CACNB2: variants seen among roughly 807,000 people sequenced by gnomAD.
CACNB2 encodes the protein calcium voltage-gated channel auxiliary subunit beta 2.
CACNB2 carries 42 observed loss-of-function variants against 73.3 expected under a neutral mutation model. The ratio of observed to expected loss-of-function variants is 0.57; its 90% confidence interval spans 0.45 to 0.74. CACNB2 has a LOEUF of 0.74. Ranked by LOEUF, CACNB2 falls within the 30% of genes least tolerant of loss-of-function variation. The pLI, the probability that CACNB2 is intolerant of heterozygous loss-of-function variation, is 0.00. For missense variants in CACNB2, 940 were observed against 853.0 expected (o/e 1.10, Z -1.27); for synonymous variants, 348 against 310.3 (o/e 1.12, Z -1.28).
intron 3 of CACNB2, among the ~76,000 whole-genome samples, chr10:18,431,234 G>A (rs563958205): frequency 5.3e-5 from 8 of 152,212 alleles, no homozygotes; most frequent in African/African-American, 1.7e-4. Context: ...TCCTGCCATG[G>A]CCTCCCAAAG....
At chr10:18,326,824 T>C (rs956332754) in intron 2 of CACNB2, among the ~76,000 whole-genome samples, 4 of 152,294 alleles carry the variant, frequency 2.6e-5, no homozygotes, top group African/African-American at 9.6e-5. Context: ...CCTTCTGGGC[T>C]CAAGCAATCC....
intron 2 of CACNB2, among the ~76,000 whole-genome samples, chr10:18,320,459 T>C (rs2040360376): frequency 6.6e-6 from 1 of 152,182 alleles, no homozygotes; most frequent in African/African-American, 2.4e-5. Flanking sequence ...TTTGAAAAAC[T>C]AGTGCTTAAA....
chr10:18,247,993 T>G (rs1279655540), intron 2 of CACNB2, among the ~76,000 whole-genome samples: 1 of 152,188 alleles, frequency 6.6e-6, no homozygotes, highest in East Asian at 1.9e-4. Flanking sequence ...TCTTTGATAA[T>G]GGTGCTTAAT....
intron 2 of CACNB2, among the ~76,000 whole-genome samples, chr10:18,388,674 T>G (rs1026583701): frequency 2.0e-5 from 3 of 152,214 alleles, no homozygotes; most frequent in Admixed American, 6.5e-5. Context: ...GTACCTAACC[T>G]AGTACCAACA....
rs934022752 is a variant in CACNB2, at chr10:18,287,791, A to G, written c.214-114133A>G. Among the ~76,000 whole-genome samples the G allele has an allele frequency of 2.6e-5, 4 of 152,172 alleles. No homozygotes were observed. The East Asian group carries it at 7.7e-4, about 29-fold the overall frequency. On this transcript the variant is annotated intron_variant, in intron 2 of 13. Transcript: ENST00000324631. ...CTTGAGCCCAGGAATTTGAGGCTGC[A>G]CTGAGCTATGATCATGACACTGCAC... is the stretch of plus-strand genomic sequence containing the variant.
At chr10:18,342,073 A>G (rs191871490) in intron 2 of CACNB2, among the ~76,000 whole-genome samples, 56 of 152,312 alleles carry the variant, frequency 3.7e-4, no homozygotes, top group Middle Eastern at 3.4e-3. Context: ...CTCATGTCCA[A>G]TTTAGAAATT....
chr10:18,519,271 C>T (rs1214359691), intron 9 of CACNB2, among the ~76,000 whole-genome samples: 2 of 152,168 alleles, frequency 1.3e-5, no homozygotes, highest in Admixed American at 6.5e-5. Flanking sequence ...AGGCATCGCA[C>T]TAAATATCCC....
chr10:18,537,434 G>A (rs1233501949), intron 12 of CACNB2, among the ~76,000 whole-genome samples: 2 of 152,284 alleles, frequency 1.3e-5, no homozygotes, highest in East Asian at 3.9e-4. Flanking sequence ...TTTGGACAAT[G>A]TCAAAATTTC....
intron 1 of CACNB2, among the ~76,000 whole-genome samples, chr10:18,148,308 C>T (rs1264663968): frequency 1.3e-5 from 2 of 152,096 alleles, no homozygotes; most frequent in Non-Finnish European, 2.9e-5. Flanking sequence ...TTTCTCAAAA[C>T]TATCACCAGC....
rs77956511 is a variant in CACNB2 at position 18,534,244 on chromosome 10, C to CTGTT, written c.1206+20_1206+23dup. The CTGTT allele has an allele frequency of 3.7e-6, 6 of 1,600,926 alleles. No individual in the cohort carries two copies. The highest frequency in any genetic ancestry group is 5.1e-6 in the Non-Finnish European group (6 of 1,168,066). ...TCTCCTAAGGTAAGTAGGACTGCTA[C>CTGTT]TGTTTGCTCTATAATCAAACTTTCC... On this transcript the variant is annotated intron_variant, in intron 11 of 13. Transcript: ENST00000324631.
intron 2 of CACNB2, among the ~76,000 whole-genome samples, chr10:18,363,598 T>A (rs2042227505): frequency 1.3e-5 from 2 of 152,180 alleles, no homozygotes; most frequent in Admixed American, 1.3e-4. Context: ...TCTAGTAAGC[T>A]CAAAGCTAGC....
At chr10:18,354,193 T>A (rs1261924058) in intron 2 of CACNB2, among the ~76,000 whole-genome samples, 8 of 152,264 alleles carry the variant, frequency 5.3e-5, no homozygotes, top group Non-Finnish European at 8.8e-5. Flanking sequence ...AATTTGAAAA[T>A]CTTAAAAATA....
Position 18,345,579 on chromosome 10 carries a change from A to G in CACNB2, c.214-56345A>G, listed in dbSNP as rs78538449. On this transcript the variant is annotated intron_variant, in intron 2 of 13. Transcript: ENST00000324631. ...GGAGCTTCTTCCTTCTTTCTTTCCTATTAAACACACTCCGCTCCCTAAAAC... is the reference window on the plus strand; with the variant it reads ...GGAGCTTCTTCCTTCTTTCTTTCCTGTTAAACACACTCCGCTCCCTAAAAC... Among the ~76,000 whole-genome samples, 281 of 152,172 alleles carry G rather than the reference A, an allele frequency of 1.8e-3. 3 individuals are homozygous for G. Among genetic ancestry groups the G allele is most frequent in the African/African-American group, 6.4e-3 (266 of 41,528 alleles).
intron 3 of CACNB2, among the ~76,000 whole-genome samples, chr10:18,481,742 AAGCTC>A (rs111881654): frequency 3.9e-5 from 6 of 152,190 alleles, no homozygotes; most frequent in African/African-American, 1.4e-4. Context: ...ACTCTTATAT[AAGCTC>A]AGTGCCTCAG....
At chr10:18,153,003 C>T (rs1419254716) in intron 2 of CACNB2, among the ~76,000 whole-genome samples, 1 of 152,140 alleles carries the variant, frequency 6.6e-6, no homozygotes, top group Non-Finnish European at 1.5e-5. Flanking sequence ...ACCCAATTCA[C>T]ATGGCAAGGA....
chr10:18,510,595 G>A (rs1388801003), intron 6 of CACNB2, among the ~76,000 whole-genome samples: 1 of 152,190 alleles, frequency 6.6e-6, no homozygotes, highest in Non-Finnish European at 1.5e-5. Context: ...GAGCCACCAT[G>A]CCCAGCCTCA....
chr10:18,287,019 A>G (rs1377061966), intron 2 of CACNB2, among the ~76,000 whole-genome samples: 1 of 152,196 alleles, frequency 6.6e-6, no homozygotes, highest in African/African-American at 2.4e-5. Context: ...GTAAACTAAT[A>G]TAGGCATACT....
At chr10:18,360,408 A>G (rs940035572) in intron 2 of CACNB2, among the ~76,000 whole-genome samples, 7 of 152,090 alleles carry the variant, frequency 4.6e-5, no homozygotes, top group African/African-American at 1.7e-4. Context: ...TGTTTTTTGT[A>G]GGGATGGAAT....
At chr10:18,264,218 A>T (rs568443009) in intron 2 of CACNB2, among the ~76,000 whole-genome samples, 7 of 152,312 alleles carry the variant, frequency 4.6e-5, no homozygotes, top group African/African-American at 1.7e-4. Context: ...GTATATATTT[A>T]TGGGGTACAT....
Sources: gnomAD v4.1 joint callset for allele counts (sites outside exome capture counted in the v4.1 genomes callset) on GRCh38, gnomAD v4.1.1 for gene constraint, MANE v1.5 for transcripts, NCBI Gene and HGNC (gene_info 2026-07-23, HGNC 2026-07-21) for gene names.